The following GALNT17 variants were observed in gnomAD, a reference collection of about 807,000 sequenced individuals.
The protein encoded by GALNT17 is UDP-GalNAc:polypeptide N-acetylgalactosaminyltransferase-like 3.
A neutral mutation model predicts 63.7 loss-of-function variants in GALNT17; 29 were observed. The observed-to-expected ratio is 0.46, with a 90% CI of 0.34 to 0.62. The LOEUF (loss-of-function observed/expected upper bound fraction) is 0.62. Among genes scored for constraint, GALNT17 ranks in the 20% least tolerant of loss-of-function variants. GALNT17 has a pLI of 0.01. For missense variants in GALNT17, 603 were observed against 799.6 expected (o/e 0.75, Z 2.97); for synonymous variants, 305 against 318.3 (o/e 0.96, Z 0.45).
intron 1 of GALNT17, among the ~76,000 whole-genome samples, chr7:71,135,282 T>G (rs1787762613): frequency 6.6e-6 from 1 of 152,220 alleles, no homozygotes; most frequent in Non-Finnish European, 1.5e-5. Flanking sequence ...GCAGAGACAT[T>G]ACAAGTGCAT....
At chr7:71,221,099 C>G (rs757841) in intron 1 of GALNT17, among the ~76,000 whole-genome samples, 47,424 of 151,884 alleles carry the variant, frequency 0.31, 8,932 homozygotes, top group South Asian at 0.53. Flanking sequence ...ATGGAACTTT[C>G]CTTTGCTCCC....
chr7:71,239,362 A>G (rs1471239418), intron 1 of GALNT17, among the ~76,000 whole-genome samples: 2 of 151,820 alleles, frequency 1.3e-5, no homozygotes, highest in African/African-American at 4.8e-5. Context: ...AGTCCCAGCT[A>G]CCTGGGGACT....
intron 5 of GALNT17, among the ~76,000 whole-genome samples, chr7:71,457,894 A>T (rs1169468394): frequency 2.6e-5 from 4 of 152,120 alleles, no homozygotes; most frequent in Non-Finnish European, 5.9e-5. Context: ...CCTTTTCAAG[A>T]TGGAGTTGCT....
chr7:71,689,990 A>C (rs1477588555), intron 9 of GALNT17, among the ~76,000 whole-genome samples: 2 of 151,416 alleles, frequency 1.3e-5, no homozygotes, highest in Non-Finnish European at 2.9e-5. Context: ...ATATCAGTGC[A>C]TCTGTTTACA....
Position 71,520,807 on chromosome 7 carries a change from G to A in GALNT17, c.963-50478G>A, listed in dbSNP as rs1468309958. 3.3e-5 allele frequency among the ~76,000 whole-genome samples: 5 copies of A among 152,074 alleles called. No individual in the cohort carries two copies. In the East Asian group the frequency reaches 9.6e-4, roughly 29 times the overall value. On this transcript the variant is annotated intron_variant, in intron 5 of 10. Transcript: ENST00000333538. ...AGCAAGCATATGGCAGGAGGGGATG[G>A]GGCCACGAGATGCATAGACCCAGCA...
At chr7:71,192,375 A>C (rs1788967584) in intron 1 of GALNT17, among the ~76,000 whole-genome samples, 1 of 151,100 alleles carries the variant, frequency 6.6e-6, no homozygotes, top group Admixed American at 6.6e-5. Flanking sequence ...ACTAACCATC[A>C]CAGGGCAAGT....
chr7:71,550,245 C>T (rs1376429510), intron 5 of GALNT17, among the ~76,000 whole-genome samples: 1 of 152,046 alleles, frequency 6.6e-6, no homozygotes, highest in Non-Finnish European at 1.5e-5. Context: ...ACTGGTTTAG[C>T]ATATTACCTT....
chr7:71,526,077 A>G (rs902545266), intron 5 of GALNT17, among the ~76,000 whole-genome samples: 2 of 152,040 alleles, frequency 1.3e-5, no homozygotes. Flanking sequence ...AAACAGACCA[A>G]TGCACACACC....
intron 5 of GALNT17, 45 bp from the exon 6 acceptor site, chr7:71,571,239 TG>T: frequency 6.4e-7 from 1 of 1,557,190 alleles, no homozygotes; most frequent in South Asian, 1.1e-5. Flanking sequence ...GAAGGGCTTC[TG>T]GCACTGACAC....
chr7:71,294,409 CTTT>C (rs869086513), intron 1 of GALNT17, among the ~76,000 whole-genome samples: 94 of 91,910 alleles, frequency 1.0e-3, no homozygotes, highest in African/African-American at 2.7e-3. Flanking sequence ...CTCATAAGTC[CTTT>C]TTTTTTTTTT....
chr7:71,264,922 G>A (rs1002666364), intron 1 of GALNT17, among the ~76,000 whole-genome samples: 1 of 151,112 alleles, frequency 6.6e-6, no homozygotes, highest in Non-Finnish European at 1.5e-5. Context: ...TAGCAGAGTA[G>A]GGTGACTGTA....
intron 3 of GALNT17, among the ~76,000 whole-genome samples, chr7:71,401,891 T>A (rs1793247915): frequency 6.6e-6 from 1 of 152,356 alleles, no homozygotes; most frequent in East Asian, 1.9e-4. Context: ...ATAAATGTAA[T>A]GCTCTTGAAT....
intron 6 of GALNT17, among the ~76,000 whole-genome samples, chr7:71,623,725 C>T (rs181039905): frequency 1.3e-5 from 2 of 152,272 alleles, no homozygotes; most frequent in African/African-American, 2.4e-5. Flanking sequence ...CGTGAGCCAC[C>T]GTGCGTGGCC....
chr7:71,164,494 T>C (rs1788402176), intron 1 of GALNT17, among the ~76,000 whole-genome samples: 1 of 152,198 alleles, frequency 6.6e-6, no homozygotes, highest in Non-Finnish European at 1.5e-5. Flanking sequence ...CAATTTGAGA[T>C]GAGATTTGGG....
intron 7 of GALNT17, 144 bp downstream of exon 7, chr7:71,665,740 A>T: frequency 1.1e-6 from 1 of 948,990 alleles, no homozygotes; most frequent in Non-Finnish European, 1.5e-6. Flanking sequence ...GGATTCACAG[A>T]TGTCTCAGCT....
At chr7:71,644,691 C>T (rs530363760) in intron 6 of GALNT17, among the ~76,000 whole-genome samples, 7 of 152,162 alleles carry the variant, frequency 4.6e-5, no homozygotes, top group African/African-American at 1.7e-4. Context: ...TTCAAGGCTG[C>T]AGTGAGCTAG....
At chr7:71,446,360 A>AT (rs1271174656) in intron 5 of GALNT17, among the ~76,000 whole-genome samples, 40 of 152,260 alleles carry the variant, frequency 2.6e-4, no homozygotes, top group African/African-American at 9.4e-4. Flanking sequence ...ACTGATAATC[A>AT]TAACACCCAA....
intron 1 of GALNT17, among the ~76,000 whole-genome samples, chr7:71,184,996 C>T (rs1190453923): frequency 5.0e-5 from 6 of 119,600 alleles, no homozygotes; most frequent in Admixed American, 8.9e-5. Flanking sequence ...TCCTTCCTTC[C>T]TTCTTCCTTC....
intron 2 of GALNT17, among the ~76,000 whole-genome samples, chr7:71,336,645 C>T (rs1040702258): frequency 6.6e-6 from 1 of 152,164 alleles, no homozygotes; most frequent in East Asian, 1.9e-4. Context: ...CCTCCAACTC[C>T]AGGTTGCCGC....
Sources: gnomAD v4.1 joint callset for allele counts (sites outside exome capture counted in the v4.1 genomes callset) on GRCh38, gnomAD v4.1.1 for gene constraint, MANE v1.5 for transcripts, NCBI Gene and HGNC (gene_info 2026-07-23, HGNC 2026-07-21) for gene names.